Variants in SPATS2 observed in about 807,000 individuals in gnomAD.
SPATS2 encodes spermatogenesis-associated serine-rich protein 2.
In SPATS2, 38 loss-of-function variants were observed where a neutral mutation model predicts 63.7. That is an observed-to-expected ratio of 0.60 (90% CI 0.46 to 0.78). The LOEUF (loss-of-function observed/expected upper bound fraction) is 0.78. Among genes scored for constraint, SPATS2 ranks in the 30% least tolerant of loss-of-function variants. SPATS2 has a pLI of 0.00. For synonymous variants in SPATS2, 207 were observed against 232.9 expected, an observed-to-expected ratio of 0.89 and a Z score of 1.01; for missense variants, 588 against 666.2, an observed-to-expected ratio of 0.88 and a Z score of 1.29.
At chr12:49,477,321 A>G (rs1247513460) in intron 3 of SPATS2, among the ~76,000 whole-genome samples, 2 of 152,218 alleles carry the variant, frequency 1.3e-5, no homozygotes, top group African/African-American at 4.8e-5. Context: ...GCTTTGTCTC[A>G]TAAGAAGAGG....
At chr12:49,500,474 C>T (rs536132464) in intron 9 of SPATS2, among the ~76,000 whole-genome samples, 1 of 152,024 alleles carries the variant, frequency 6.6e-6, no homozygotes, top group African/African-American at 2.4e-5. Flanking sequence ...AGATCATATA[C>T]TTTAAAGTCT....
intron 3 of SPATS2, among the ~76,000 whole-genome samples, chr12:49,472,101 G>C (rs964734273): frequency 3.3e-5 from 5 of 152,074 alleles, no homozygotes; most frequent in African/African-American, 4.8e-5. Flanking sequence ...TTGCGCCAGT[G>C]CACTCCAGCG....
At chr12:49,453,036 G>A (rs1945652163) in intron 2 of SPATS2, among the ~76,000 whole-genome samples, 1 of 151,900 alleles carries the variant, frequency 6.6e-6, no homozygotes, top group Admixed American at 6.6e-5. Context: ...GCGGGCGCCT[G>A]TAGTCCCAGC....
intron 3 of SPATS2, among the ~76,000 whole-genome samples, chr12:49,476,568 A>G (rs982279089): frequency 1.3e-5 from 2 of 152,056 alleles, no homozygotes; most frequent in African/African-American, 4.8e-5. Flanking sequence ...ATCCTGTAAC[A>G]CACACCCACT....
intron 4 of SPATS2, among the ~76,000 whole-genome samples, chr12:49,486,759 C>T (rs1946300865): frequency 7.0e-6 from 1 of 142,320 alleles, no homozygotes. Context: ...CCAGCTTAGG[C>T]GACAGAGCGA....
chr12:49,481,880 C>T (rs1946212502), intron 3 of SPATS2, among the ~76,000 whole-genome samples: 1 of 152,086 alleles, frequency 6.6e-6, no homozygotes, highest in Non-Finnish European at 1.5e-5. Flanking sequence ...TGATAGAATA[C>T]ATGCTCTCTT....
In SPATS2 at chr12:49,516,158, AAAAAAAAAATATATATATAT is replaced by A. The variant is rs1227655626; in HGVS notation, c.898+1547_898+1566del. On this transcript the variant is annotated intron_variant, in intron 10 of 13. Coordinates refer to ENST00000552918, the MANE Select transcript of SPATS2 (RefSeq NM_023071.4). ...CATCTCAAAAAAAAAAAAAAAAAAA[AAAAAAAAAATATATATATAT>A]ATATATATATATATATATATATATA... is the stretch of plus-strand genomic sequence containing the variant. 5.4e-4 allele frequency among the ~76,000 whole-genome samples: 20 copies of A among 36,796 alleles called. 1 individual carries two copies. Among genetic ancestry groups the A allele is most frequent in the African/African-American group, 2.3e-3 (16 of 7,022 alleles). The allele number at this position is 36,796 out of a possible 152,430, so 24.1% of individuals were successfully genotyped here. A position where few individuals can be genotyped will look rare whatever the true frequency, so the allele number is the denominator to read the frequency against.
chr12:49,437,032 C>A (rs1438333458), intron 2 of SPATS2, among the ~76,000 whole-genome samples: 2 of 151,642 alleles, frequency 1.3e-5, no homozygotes, highest in East Asian at 3.9e-4. Flanking sequence ...CCCTCCCAGA[C>A]GGGGTGGCTG....
chr12:49,433,822 G>A (rs780628361), intron 2 of SPATS2, among the ~76,000 whole-genome samples: 20 of 151,988 alleles, frequency 1.3e-4, no homozygotes, highest in Non-Finnish European at 2.5e-4. Flanking sequence ...GCTTTTTTGC[G>A]TGCACTTTTG....
At chr12:49,495,439 C>G (rs1486472917) in intron 7 of SPATS2, among the ~76,000 whole-genome samples, 6 of 152,128 alleles carry the variant, frequency 3.9e-5, no homozygotes, top group Non-Finnish European at 7.4e-5. Flanking sequence ...CCTCATGATC[C>G]ACCCGCCTCA....
chr12:49,381,685 C>A (rs1381604319), intron 2 of SPATS2, among the ~76,000 whole-genome samples: 1 of 152,132 alleles, frequency 6.6e-6, no homozygotes, highest in East Asian at 1.9e-4. Context: ...TTTTTTGAAA[C>A]CTGGGTCAGA....
intron 7 of SPATS2, among the ~76,000 whole-genome samples, chr12:49,496,531 A>G (rs1592457608): frequency 1.3e-5 from 2 of 152,220 alleles, no homozygotes; most frequent in African/African-American, 4.8e-5. Context: ...CCAGACTTAC[A>G]TAGAAACTAC....
chr12:49,525,844 TG>T, intron 13 of SPATS2, 99 bp from the exon 14 acceptor site: 1 of 1,317,550 alleles, frequency 7.6e-7, no homozygotes, highest in Non-Finnish European at 1.0e-6. Flanking sequence ...GTCCCAAGCA[TG>T]GGATACCACA....
intron 2 of SPATS2, among the ~76,000 whole-genome samples, chr12:49,396,800 C>T (rs1342127779): frequency 6.6e-6 from 1 of 152,206 alleles, no homozygotes; most frequent in African/African-American, 2.4e-5. Flanking sequence ...TTGTTTTGGG[C>T]TGAGTACATG....
At chr12:49,496,124 A>G (rs1244535372) in intron 7 of SPATS2, among the ~76,000 whole-genome samples, 1 of 152,240 alleles carries the variant, frequency 6.6e-6, no homozygotes, top group African/African-American at 2.4e-5. Context: ...TAGTATACAC[A>G]CATACACAAA....
intron 2 of SPATS2, among the ~76,000 whole-genome samples, chr12:49,400,775 G>A (rs1944591873): frequency 6.6e-6 from 1 of 152,198 alleles, no homozygotes; most frequent in African/African-American, 2.4e-5. Context: ...ATGAATGGAT[G>A]AGGCAAAAGT....
At chr12:49,514,503 T>G (rs1373896710) in intron 9 of SPATS2, 52 bp from the exon 10 acceptor site, 2 of 1,552,340 alleles carry the variant, frequency 1.3e-6, no homozygotes, top group African/African-American at 2.7e-5. Context: ...TGTGCTAATT[T>G]TGTATTTGAG....
chr12:49,482,580 T>A (rs940317164), intron 3 of SPATS2, among the ~76,000 whole-genome samples: 2 of 152,200 alleles, frequency 1.3e-5, no homozygotes, highest in African/African-American at 4.8e-5. Context: ...GTGGTTTCCC[T>A]ACTCTTTGCT....
chr12:49,368,068 A>G (rs1045837622), intron 1 of SPATS2, among the ~76,000 whole-genome samples: 8 of 152,090 alleles, frequency 5.3e-5, no homozygotes, highest in Admixed American at 5.2e-4. Flanking sequence ...GAAGGGGGAG[A>G]CGAAATGGAA....
Sources: gnomAD v4.1 joint callset for allele counts (sites outside exome capture counted in the v4.1 genomes callset) on GRCh38, gnomAD v4.1.1 for gene constraint, MANE v1.5 for transcripts, NCBI Gene and HGNC (gene_info 2026-07-23, HGNC 2026-07-21) for gene names.